The following DOCK9 variants were observed in gnomAD, a reference collection of about 807,000 sequenced individuals.
DOCK9 encodes dedicator of cytokinesis protein 9.
A neutral mutation model predicts 263.3 loss-of-function variants in DOCK9; 89 were observed. The ratio of observed to expected loss-of-function variants is 0.34; its 90% CI spans 0.28 to 0.40. The LOEUF is 0.40. Ranked by LOEUF, DOCK9 falls within the 10% of genes least tolerant of loss-of-function variation. The pLI is 1.00. For synonymous variants in DOCK9, 976 were observed against 973.1 expected (o/e 1.00, Z -0.06); for missense variants, 2,140 against 2,603.4 (o/e 0.82, Z 3.87).
At chr13:99,077,459 G>A (rs1370688306) in intron 1 of DOCK9, among the ~76,000 whole-genome samples, 1 of 152,182 alleles carries the variant, frequency 6.6e-6, no homozygotes, top group African/African-American at 2.4e-5. Context: ...CTTCTGCCAT[G>A]ATTGTAAGTT....
intron 35 of DOCK9, among the ~76,000 whole-genome samples, chr13:98,852,338 A>G (rs1280337041): frequency 6.6e-6 from 1 of 152,180 alleles, no homozygotes; most frequent in African/African-American, 2.4e-5. Flanking sequence ...AAAGTAACAA[A>G]TCAACAGAAG....
intron 45 of DOCK9, among the ~76,000 whole-genome samples, chr13:98,816,614 G>C (rs1438869611): frequency 1.3e-5 from 2 of 151,968 alleles, no homozygotes; most frequent in Non-Finnish European, 2.9e-5. Context: ...AAATGTGCAG[G>C]GAGGCGGGAA....
chr13:98,912,027 G>A (rs554794016), intron 9 of DOCK9, among the ~76,000 whole-genome samples: 2 of 151,616 alleles, frequency 1.3e-5, no homozygotes, highest in Admixed American at 6.6e-5. Flanking sequence ...CTGCCACCAC[G>A]CCTAGCTAAT....
At chr13:98,877,648 T>C (rs2044082916) in intron 27 of DOCK9, among the ~76,000 whole-genome samples, 1 of 152,150 alleles carries the variant, frequency 6.6e-6, no homozygotes, top group Non-Finnish European at 1.5e-5. Flanking sequence ...CAGGTGGTCT[T>C]CCCAGATTCC....
chr13:98,834,724 C>T (rs1394322734), intron 39 of DOCK9: 1 of 152,148 alleles, frequency 6.6e-6, no homozygotes, highest in Non-Finnish European at 1.5e-5. Flanking sequence ...AAAACAAACC[C>T]TTTTATGTAC....
At chr13:98,824,532 A>G in intron 44 of DOCK9, 28 bp from the exon 45 acceptor site, 1 of 1,604,088 alleles carries the variant, frequency 6.2e-7, no homozygotes, top group Non-Finnish European at 8.5e-7. Context: ...AGGGACAGTC[A>G]GAGTTAGGAA....
At chr13:98,851,086 T>C (rs2093556210) in intron 35 of DOCK9, among the ~76,000 whole-genome samples, 1 of 152,184 alleles carries the variant, frequency 6.6e-6, no homozygotes, top group Non-Finnish European at 1.5e-5. Flanking sequence ...TGAGAATCTG[T>C]TGTGTGCCAG....
At chr13:99,024,701 T>C (rs1000259488) in intron 1 of DOCK9, among the ~76,000 whole-genome samples, 2 of 152,230 alleles carry the variant, frequency 1.3e-5, no homozygotes, top group African/African-American at 4.8e-5. Context: ...ACATAAGATT[T>C]GAATTTGACT....
chr13:98,867,172 C>A (rs1192732812), intron 30 of DOCK9: 2 of 540,544 alleles, frequency 3.7e-6, no homozygotes, highest in African/African-American at 3.8e-5. Context: ...AAATAGATTC[C>A]TTTTCTTTAA....
At chr13:98,951,139 G>A (rs145933118) in intron 2 of DOCK9, among the ~76,000 whole-genome samples, 263 of 152,150 alleles carry the variant, frequency 1.7e-3, no homozygotes, top group African/African-American at 5.8e-3. Flanking sequence ...TCAGATTTAC[G>A]CCAAATAAAC....
chr13:99,041,684 A>G (rs1888475107), intron 1 of DOCK9, among the ~76,000 whole-genome samples: 1 of 152,216 alleles, frequency 6.6e-6, no homozygotes, highest in Non-Finnish European at 1.5e-5. Context: ...GAATTTGTGA[A>G]TGTGACTTAT....
intron 1 of DOCK9, among the ~76,000 whole-genome samples, chr13:99,077,660 G>C (rs1017153681): frequency 6.6e-6 from 1 of 152,224 alleles, no homozygotes; most frequent in African/African-American, 2.4e-5. Context: ...GTTGCAGCAG[G>C]CATCAGTGCT....
chr13:98,989,385 A>AATG (rs1879287534), intron 1 of DOCK9, among the ~76,000 whole-genome samples: 1 of 150,082 alleles, frequency 6.7e-6, no homozygotes, highest in Non-Finnish European at 1.5e-5. Context: ...TAATGATAAT[A>AATG]CAGATTCCAG....
Position 99,005,495 on chromosome 13 carries a change from T to C in DOCK9, c.130-49944A>G, listed in dbSNP as rs138996176. ...GAGTAGGGGAAAAAGGAAAAGGCCT[T>C]AGGGTTTTCTTCCAATTGTTGCAAA... On this transcript the variant is annotated intron_variant, in intron 1 of 32. Transcript: ENST00000427887. Among the ~76,000 whole-genome samples the C allele has an allele frequency of 2.6e-5, 4 of 152,234 alleles. No individual in the cohort carries two copies. In the East Asian group the frequency reaches 7.7e-4, roughly 29 times the overall value.
chr13:99,073,461 C>T (rs983837722), intron 1 of DOCK9, among the ~76,000 whole-genome samples: 1 of 151,764 alleles, frequency 6.6e-6, no homozygotes, highest in Non-Finnish European at 1.5e-5. Context: ...CTTTCGGCCT[C>T]GGGTCGATTT....
intron 1 of DOCK9, among the ~76,000 whole-genome samples, chr13:99,037,579 A>C (rs1000597937): frequency 1.3e-5 from 2 of 152,240 alleles, no homozygotes; most frequent in African/African-American, 4.8e-5. Context: ...TACATTTACC[A>C]GCTATACAAC....
chr13:98,841,030 C>T (rs560994898), intron 38 of DOCK9, among the ~76,000 whole-genome samples: 13 of 152,310 alleles, frequency 8.5e-5, no homozygotes, highest in African/African-American at 3.1e-4. Context: ...AATATCTACA[C>T]AATCTATTAT....
chr13:99,050,566 G>A (rs1323737019), intron 1 of DOCK9, among the ~76,000 whole-genome samples: 10 of 152,128 alleles, frequency 6.6e-5, no homozygotes, highest in Admixed American at 2.0e-4. Context: ...GGTGGCGGGC[G>A]CCTGTAATCC....
At chr13:98,938,604 G>C (rs1438912472) in intron 2 of DOCK9, among the ~76,000 whole-genome samples, 3 of 152,132 alleles carry the variant, frequency 2.0e-5, no homozygotes, top group South Asian at 2.1e-4. Flanking sequence ...AAGAATCGTT[G>C]GGTAAAAGGC....
Sources: allele counts gnomAD v4.1 joint callset (sites outside exome capture counted in the v4.1 genomes callset), GRCh38; gene constraint gnomAD v4.1.1; transcripts MANE v1.5; gene names NCBI Gene and HGNC (gene_info 2026-07-23, HGNC 2026-07-21).